The following ZSWIM5 variants were observed in gnomAD, a reference collection of about 807,000 sequenced individuals.
ZSWIM5 encodes the protein zinc finger SWIM-type containing 5.
ZSWIM5 carries 55 observed loss-of-function variants against 119.6 expected under a neutral mutation model. That is an observed-to-expected ratio of 0.46 (90% CI 0.37 to 0.58). The LOEUF is 0.58. ZSWIM5 is among the 20% of genes least tolerant of loss of function. The pLI is 0.00. For synonymous variants in ZSWIM5, 537 were observed against 606.9 expected, an observed-to-expected ratio of 0.88 and a Z score of 1.69; for missense variants, 1,193 against 1,512.8, an observed-to-expected ratio of 0.79 and a Z score of 3.51.
At chr1:45,020,247 A>T in intron 12 of ZSWIM5, 100 bp from the exon 13 acceptor site, 1 of 961,370 alleles carries the variant, frequency 1.0e-6, no homozygotes, top group Non-Finnish European at 1.7e-6. Flanking sequence ...CTGGTGCTTT[A>T]AACAGTGGTC....
At chr1:45,163,555 G>A (rs1035825289) in intron 1 of ZSWIM5, among the ~76,000 whole-genome samples, 3 of 152,166 alleles carry the variant, frequency 2.0e-5, no homozygotes, top group African/African-American at 4.8e-5. Flanking sequence ...CGAACCCATC[G>A]CAAAGAAGTT....
chr1:45,116,744 TG>T (rs981911064), intron 1 of ZSWIM5, among the ~76,000 whole-genome samples: 5 of 152,302 alleles, frequency 3.3e-5, no homozygotes, highest in Non-Finnish European at 5.9e-5. Context: ...CTAGGACTTT[TG>T]TTTTTTTTTA....
At chr1:45,097,377 A>G (rs1557764651) in intron 1 of ZSWIM5, among the ~76,000 whole-genome samples, 1 of 152,242 alleles carries the variant, frequency 6.6e-6, no homozygotes, top group African/African-American at 2.4e-5. Context: ...TCACCTCTAT[A>G]TAAAACTACT....
intron 1 of ZSWIM5, among the ~76,000 whole-genome samples, chr1:45,165,183 C>T (rs1251497313): frequency 6.6e-6 from 1 of 152,112 alleles, no homozygotes; most frequent in African/African-American, 2.4e-5. Context: ...CGCTCGAGTA[C>T]ATGGAAACTA....
chr1:45,086,571 G>A (rs1014010613), intron 2 of ZSWIM5, among the ~76,000 whole-genome samples: 11 of 152,052 alleles, frequency 7.2e-5, no homozygotes, highest in African/African-American at 2.7e-4. Flanking sequence ...CTCATAGGTG[G>A]GAATTGAACA....
In ZSWIM5 at chr1:45,043,346, C is replaced by T. The variant is rs1645028037; in HGVS notation, c.1482G>A (p.Gly494=). ...RRTVFTRAIE[G]RELHWQDSHL... ...GGCTATCCTGCCAATGTAATTCACG[C>T]CCCTCAATGGCTCTAGTGAATACTG... Residue 494 remains glycine (G), a synonymous_variant, in exon 6 of 14, where the codon GGG becomes GGA. Coordinates refer to ENST00000359600, the MANE Select transcript of ZSWIM5 (RefSeq NM_020883.2). 4 of 1,614,178 alleles carry T rather than the reference C, an allele frequency of 2.5e-6. No individual in the cohort carries two copies. The East Asian group carries it at 8.9e-5, about 36-fold the overall frequency.
intron 1 of ZSWIM5, among the ~76,000 whole-genome samples, chr1:45,163,718 G>A (rs908377246): frequency 3.3e-5 from 5 of 152,108 alleles, no homozygotes; most frequent in Admixed American, 6.6e-5. Context: ...TGGAAGAAAC[G>A]GTATCAGTGA....
intron 1 of ZSWIM5, among the ~76,000 whole-genome samples, chr1:45,186,024 G>A (rs2149051133): frequency 6.6e-6 from 1 of 151,980 alleles, no homozygotes; most frequent in Admixed American, 6.6e-5. Context: ...ATGATAGACT[G>A]GATTAAGAAA....
chr1:45,168,289 A>G (rs993865264), intron 1 of ZSWIM5, among the ~76,000 whole-genome samples: 3 of 151,920 alleles, frequency 2.0e-5, no homozygotes, highest in Non-Finnish European at 4.4e-5. Context: ...ACACTTGGAC[A>G]CAGGGTTGGG....
chr1:45,159,515 A>T (rs1304421563), intron 1 of ZSWIM5, among the ~76,000 whole-genome samples: 1 of 152,194 alleles, frequency 6.6e-6, no homozygotes, highest in Non-Finnish European at 1.5e-5. Flanking sequence ...ATGTTAATCA[A>T]AGTTTTTTAG....
Position 45,064,499 on chromosome 1 carries a change from A to C in ZSWIM5, c.953-4252T>G, listed in dbSNP as rs765534973. On this transcript the variant is annotated intron_variant, in intron 2 of 13. Coordinates refer to ENST00000359600, the MANE Select transcript of ZSWIM5 (RefSeq NM_020883.2). ...GTCCTATGCTTCTTTTATATCCCAAAAGTGGCAAAAGAAAACAAATATACT... is the reference window on the plus strand; with the variant it reads ...GTCCTATGCTTCTTTTATATCCCAACAGTGGCAAAAGAAAACAAATATACT... Among the ~76,000 whole-genome samples the C allele has an allele frequency of 1.9e-4, 29 of 152,228 alleles. 1 individual carries two copies. The highest frequency in any genetic ancestry group is 2.4e-4 in the Non-Finnish European group (16 of 68,046).
At chr1:45,168,881 T>C (rs962944845) in intron 1 of ZSWIM5, among the ~76,000 whole-genome samples, 1 of 152,076 alleles carries the variant, frequency 6.6e-6, no homozygotes, top group African/African-American at 2.4e-5. Context: ...TAAAATGGCA[T>C]ATGTGATTTG....
intron 11 of ZSWIM5, among the ~76,000 whole-genome samples, chr1:45,024,641 A>AATTATT (rs3074635): frequency 3.6e-4 from 55 of 150,778 alleles, no homozygotes; most frequent in African/African-American, 1.2e-3. Context: ...TATCCTCTAG[A>AATTATT]ATTATTATTA....
chr1:45,116,617 T>A (rs546771015), intron 1 of ZSWIM5, among the ~76,000 whole-genome samples: 1 of 152,270 alleles, frequency 6.6e-6, no homozygotes, highest in African/African-American at 2.4e-5. Context: ...AGAGAACAAC[T>A]GAAGGCAGTA....
intron 11 of ZSWIM5, among the ~76,000 whole-genome samples, chr1:45,022,837 A>G (rs1644896353): frequency 6.6e-6 from 1 of 152,222 alleles, no homozygotes; most frequent in Non-Finnish European, 1.5e-5. Flanking sequence ...ACCCTCCCAT[A>G]TACTTTAAAT....
At chr1:45,089,618 A>AAT (rs1645352040) in intron 1 of ZSWIM5, among the ~76,000 whole-genome samples, 1 of 152,188 alleles carries the variant, frequency 6.6e-6, no homozygotes, top group South Asian at 2.1e-4. Context: ...CTTCAATGTT[A>AAT]ATTTTCTTTT....
At position 45,019,931 on chromosome 1, in the gene ZSWIM5, T is replaced by A; in HGVS notation, c.2695+135A>T. The A allele has an allele frequency of 1.3e-6, 1 of 749,482 alleles. No homozygotes were observed. The highest frequency in any genetic ancestry group is 2.2e-6 in the Non-Finnish European group (1 of 453,572). The allele number at this position is 749,482 out of a possible 1,614,324, so 46.4% of individuals were successfully genotyped here. A position where few individuals can be genotyped will look rare whatever the true frequency, so the allele number is the denominator to read the frequency against. On this transcript the variant is annotated intron_variant, in intron 13 of 13. Coordinates refer to ENST00000359600, the MANE Select transcript of ZSWIM5 (RefSeq NM_020883.2). This position sits in a 1 kb window ranked among gnomAD's most constrained non-coding sequence, Gnocchi z 5.0. ...CCACCTTCTCCTACCAGCAGCCCCA[T>A]CCTTTCTTAGGCCATCTCCTGATGG...
In ZSWIM5 at chr1:45,019,231, G is replaced by T. The variant is rs760197640; in HGVS notation, c.2781C>A (p.Ala927=). 1.7e-5 allele frequency: 28 copies of T among 1,613,574 alleles called. No homozygotes were observed. The highest frequency in any genetic ancestry group is 2.2e-5 in the Non-Finnish European group (26 of 1,180,014). ...TEATSIVAAT[A]VSHTTILRLS... is the part of the protein sequence containing the mutation. Reference sequence around the variant, plus strand: ...GGCGCAGGATAGTGGTGTGGGATACGGCTGTGGCAGCTACAATACTAGTAG... The same window carrying T: ...GGCGCAGGATAGTGGTGTGGGATACTGCTGTGGCAGCTACAATACTAGTAG... Residue 927 remains alanine, a synonymous_variant, in exon 14 of 14, where the codon GCC becomes GCA. Transcript: ENST00000359600. This position sits in a 1 kb window ranked among gnomAD's most constrained non-coding sequence, Gnocchi z 5.0.
intron 1 of ZSWIM5, among the ~76,000 whole-genome samples, chr1:45,137,781 T>A (rs545713634): frequency 1.8e-4 from 27 of 152,088 alleles, no homozygotes; most frequent in Non-Finnish European, 2.1e-4. Flanking sequence ...GACAGATTAG[T>A]TGGAGTCTTG....
Sources: allele counts gnomAD v4.1 joint callset (sites outside exome capture counted in the v4.1 genomes callset), GRCh38; gene constraint gnomAD v4.1.1; non-coding constraint Gnocchi (gnomAD v3.1); transcripts MANE v1.5; gene names NCBI Gene and HGNC (gene_info 2026-07-23, HGNC 2026-07-21).